The following N4BP2 variants were observed in gnomAD, a reference collection of about 807,000 sequenced individuals.
N4BP2 encodes NEDD4 binding protein 2.
Under a neutral mutation model 152.8 loss-of-function variants are expected in N4BP2, and 91 were observed. That is an observed-to-expected ratio of 0.60 (90% CI 0.50 to 0.71). The LOEUF (loss-of-function observed/expected upper bound fraction) is 0.71. Among genes scored for constraint, N4BP2 ranks in the 30% least tolerant of loss-of-function variants. N4BP2 has a pLI of 0.00. For missense variants in N4BP2, 1,923 were observed against 2,059.1 expected (o/e 0.93, Z 1.28); for synonymous variants, 646 against 705.3 (o/e 0.92, Z 1.33).
In N4BP2 at chr4:40,120,561, A is replaced by G. The variant is rs1717787331; in HGVS notation, c.2450A>G (p.Lys817Arg). 1.9e-6 allele frequency: 3 copies of G among 1,614,018 alleles called. No homozygotes were observed. The highest frequency in any genetic ancestry group is 1.7e-5 in the Admixed American group (1 of 60,002). The change falls in exon 9 of 18, where the codon AAA becomes AGA. Residue 817 changes from lysine (K) to arginine (R), a missense_variant. Coordinates refer to ENST00000261435, the MANE Select transcript of N4BP2 (RefSeq NM_018177.6). ...TEKTSSVQSD[K>R]KYNYPQSHKL... ...AAAACTTCATCCGTACAAAGCGACA[A>G]AAAGTATAATTACCCTCAGTCACAC...
chr4:40,106,832 T>G (rs1168219578), intron 4 of N4BP2, 68 bp from the exon 5 acceptor site: 2 of 1,468,736 alleles, frequency 1.4e-6, no homozygotes, highest in Non-Finnish European at 1.9e-6. Context: ...TGTTTATGAC[T>G]TTGGAAAAAT....
chr4:40,111,206 C>T (rs965291014), intron 5 of N4BP2, among the ~76,000 whole-genome samples: 11 of 152,206 alleles, frequency 7.2e-5, no homozygotes, highest in African/African-American at 1.4e-4. Context: ...TCTAATATAA[C>T]GAGGATACAT....
the N4BP2 span, among the ~76,000 whole-genome samples, chr4:40,181,483 T>C: frequency 6.6e-6 from 1 of 152,208 alleles, no homozygotes; most frequent in African/African-American, 2.4e-5. Context: ...AGTTGGTTTT[T>C]CCCTACTGTG....
chr4:40,087,417 G>A (rs1451891065), intron 2 of N4BP2, among the ~76,000 whole-genome samples: 1 of 152,074 alleles, frequency 6.6e-6, no homozygotes, highest in Non-Finnish European at 1.5e-5. Flanking sequence ...AGGCTGGAGA[G>A]CAGTGGCTTG....
At chr4:40,148,498 G>C (rs1368606441) in intron 16 of N4BP2, among the ~76,000 whole-genome samples, 1 of 151,550 alleles carries the variant, frequency 6.6e-6, no homozygotes, top group Non-Finnish European at 1.5e-5. Flanking sequence ...GAGGGGGAGA[G>C]GGAGTTCGGC....
the N4BP2 span, among the ~76,000 whole-genome samples, chr4:40,178,413 C>T: frequency 8.5e-6 from 1 of 118,186 alleles, no homozygotes; most frequent in Non-Finnish European, 1.7e-5. Flanking sequence ...ACTCCCCCGC[C>T]CCGCCACCAA....
the N4BP2 span, among the ~76,000 whole-genome samples, chr4:40,163,944 A>G: frequency 1.3e-5 from 2 of 152,194 alleles, no homozygotes; most frequent in African/African-American, 4.8e-5. Flanking sequence ...TGAGATGTCT[A>G]TGTTCTAAGC....
Position 40,097,389 on chromosome 4 carries a change from G to A in N4BP2, c.49G>A (p.Ala17Thr). ...NLGGNPFRKTANPKEVVVSSV... is the reference protein window; with the variant it reads ...NLGGNPFRKTTNPKEVVVSSV... ...TGGGGGAAATCCTTTTCGGAAGACT[G>A]CAAACCCTAAGGAAGTTGTCGTATC... The change falls in exon 3 of 18, where the codon GCA becomes ACA. Residue 17 changes from alanine (A) to threonine (T), a missense_variant. Physicochemically the swap from Ala to Thr is moderately conservative, Grantham distance 58. Transcript: ENST00000261435. 2 of 1,614,126 alleles carry A rather than the reference G, an allele frequency of 1.2e-6. No individual in the cohort carries two copies. The highest frequency in any genetic ancestry group is 1.7e-6 in the Non-Finnish European group (2 of 1,179,994).
rs879321346 is a variant in N4BP2, at chr4:40,112,703, C to CT, written c.1587+542dup. Among the ~76,000 whole-genome samples, 901 of 146,096 alleles carry CT rather than the reference C, an allele frequency of 6.2e-3. 11 individuals are homozygous for CT. Among genetic ancestry groups the CT allele is most frequent in the African/African-American group, 0.02 (788 of 40,256 alleles). On this transcript the variant is annotated intron_variant, in intron 6 of 17. Transcript: ENST00000261435. ...GCCCTTCTTGCTCTTTTTTGCTCAC[C>CT]TTTTTTTTTTTGTTGTTGAGATGGA...
rs111405924 is a variant in N4BP2, at chr4:40,131,919, A to G, written c.4646A>G (p.Asn1549Ser). 1.0e-5 allele frequency: 16 copies of G among 1,530,896 alleles called. No homozygotes were observed. The highest frequency in any genetic ancestry group is 5.4e-5 in the African/African-American group (4 of 73,398). 94.8% of individuals were successfully genotyped at this position (1,530,896 alleles called of 1,614,324 possible). Residue 1549 changes from asparagine to serine, a missense_variant and splice_region_variant, in exon 13 of 18, where the codon AAC (asparagine) becomes AGC (serine). Transcript: ENST00000261435. ...CTGGTGGACATTTTCAAGGACCACA[A>G]GTGAGTGCTAGAAGGATTGTCTGTA... ...NFLVDIFKDHNYSLEHTVQFL... is the reference protein window; with the variant it reads ...NFLVDIFKDHSYSLEHTVQFL...
At position 40,121,678 on chromosome 4, in the gene N4BP2, C is replaced by G. The variant is rs751340569; in HGVS notation, c.3567C>G (p.Asp1189Glu). 8.7e-6 allele frequency: 14 copies of G among 1,614,006 alleles called. No individual in the cohort carries two copies. The South Asian group carries it at 1.5e-4, about 18-fold the overall frequency. Reference sequence around the variant, plus strand: ...ATGGGATTGGTATTAGTAACGCTGACTCACAGTCTACTTGTGATGCAGAAA... The same window carrying G: ...ATGGGATTGGTATTAGTAACGCTGAGTCACAGTCTACTTGTGATGCAGAAA... ...FSHGIGISNA[D>E]SQSTCDAERG... Residue 1189 changes from aspartate (D) to glutamate (E), a missense_variant, in exon 9 of 18, where the codon GAC becomes GAG. Asp to Glu is a conservative substitution (Grantham distance 45, BLOSUM62 2). Coordinates refer to ENST00000261435, the MANE Select transcript of N4BP2 (RefSeq NM_018177.6).
the N4BP2 span, among the ~76,000 whole-genome samples, chr4:40,187,148 A>T: frequency 6.6e-6 from 1 of 152,234 alleles, no homozygotes; most frequent in Non-Finnish European, 1.5e-5. Context: ...GGCCTCCCAA[A>T]GCTTTAGCCA....
intron 1 of N4BP2, among the ~76,000 whole-genome samples, chr4:40,063,616 GATTT>G (rs1274081089): frequency 1.3e-5 from 2 of 151,894 alleles, no homozygotes; most frequent in African/African-American, 2.4e-5. Context: ...TCGTTTTATT[GATTT>G]ATTTATTTTT....
Position 40,142,988 on chromosome 4 carries a change from C to T in N4BP2, c.4974+127C>T, listed in dbSNP as rs1050476842. On this transcript the variant is annotated intron_variant, in intron 15 of 17. Coordinates refer to ENST00000261435, the MANE Select transcript of N4BP2 (RefSeq NM_018177.6). ...GGGAATGTAGTAGTTATGTAAGTGA[C>T]ATAAATAAGGTATCCTAAGAAATGT... 9.7e-6 allele frequency: 7 copies of T among 724,908 alleles called. No homozygotes were observed. The African/African-American group carries it at 1.3e-4, about 13-fold the overall frequency. The allele number at this position is 724,908 out of a possible 1,614,324, so 44.9% of individuals were successfully genotyped here. A position where few individuals can be genotyped will look rare whatever the true frequency, so the allele number is the denominator to read the frequency against.
intron 5 of N4BP2, among the ~76,000 whole-genome samples, chr4:40,110,432 C>G (rs1716759532): frequency 6.6e-6 from 1 of 152,050 alleles, no homozygotes; most frequent in South Asian, 2.1e-4. Flanking sequence ...TTGATTATTC[C>G]TATTCTGGTA....
chr4:40,074,217 A>G (rs555953783), intron 2 of N4BP2, among the ~76,000 whole-genome samples: 1 of 95,954 alleles, frequency 1.0e-5, no homozygotes, highest in East Asian at 2.3e-4. Context: ...CAGCCTCCCA[A>G]GTAGCTGGGA....
chr4:40,115,126 T>G (rs1717230882), intron 7 of N4BP2, among the ~76,000 whole-genome samples: 1 of 152,208 alleles, frequency 6.6e-6, no homozygotes, highest in Admixed American at 6.5e-5. Context: ...CAATTTTGCT[T>G]TTTTTATTCT....
intron 16 of N4BP2, among the ~76,000 whole-genome samples, chr4:40,146,834 G>A (rs1227458346): frequency 1.4e-5 from 2 of 145,274 alleles, no homozygotes; most frequent in Admixed American, 6.8e-5. Context: ...CTGGCCCCTG[G>A]CAACTACCAT....
downstream of N4BP2, among the ~76,000 whole-genome samples, chr4:40,161,513 C>A (rs143023608): frequency 0.029 from 4,348 of 152,250 alleles, 107 homozygotes; most frequent in Middle Eastern, 0.068. Flanking sequence ...TTGACAATCA[C>A]ACGACAGTTG....
Sources: gnomAD v4.1 joint callset for allele counts (sites outside exome capture counted in the v4.1 genomes callset) on GRCh38, gnomAD v4.1.1 for gene constraint, MANE v1.5 for transcripts, NCBI Gene and HGNC (gene_info 2026-07-23, HGNC 2026-07-21) for gene names.